The following CALML4 variants were observed in gnomAD, a reference collection of about 807,000 sequenced individuals.
CALML4 encodes the protein calmodulin-like protein 4.
Under a neutral mutation model 17.9 loss-of-function variants are expected in CALML4, and 16 were observed. The ratio of observed to expected loss-of-function variants is 0.89; its 90% CI spans 0.61 to 1.36. CALML4 has a LOEUF of 1.36. Ranked by LOEUF, CALML4 falls within the 40% of genes most tolerant of loss-of-function variation. The pLI is 0.00. For synonymous variants in CALML4, 86 were observed against 71.5 expected, an observed-to-expected ratio of 1.20 and a Z score of -1.02; for missense variants, 203 against 194.8, an observed-to-expected ratio of 1.04 and a Z score of -0.25.
rs898209847 is a variant in CALML4, at chr15:68,200,509, G to A, written c.35-828C>T. 7.2e-5 allele frequency among the ~76,000 whole-genome samples: 11 copies of A among 152,312 alleles called. No homozygotes were observed. The highest frequency in any genetic ancestry group is 4.6e-4 in the Admixed American group (7 of 15,302). ...TGACACAGCCATCCCACGGGCTCCC[G>A]GCCCTGGGAGGCCCAGGAAGGCCAG... is the stretch of plus-strand genomic sequence containing the variant. On this transcript the variant is annotated intron_variant, in intron 2 of 4. Coordinates refer to ENST00000467889, the MANE Select transcript of CALML4 (RefSeq NM_033429.3). The surrounding 1 kb of genome is among the most constrained non-coding windows in gnomAD (Gnocchi z 4.3).
Position 68,205,250 on chromosome 15 carries a change from T to C in CALML4, c.-3A>G, listed in dbSNP as rs1317118094. The C allele has an allele frequency of 2.5e-6, 4 of 1,614,004 alleles. No homozygotes were observed. Among genetic ancestry groups the C allele is most frequent in the Middle Eastern group, 1.6e-4 (1 of 6,084 alleles). ...ACACAGACCCTCACACTCACCATTC[T>C]GGGGCCTCGGCTGCTACCCGTGGGC... is the stretch of plus-strand genomic sequence containing the variant. On this transcript the variant is annotated 5_prime_UTR_variant, in exon 1 of 5. Transcript: ENST00000467889. The surrounding 1 kb of genome is among the most constrained non-coding windows in gnomAD (Gnocchi z 4.8).
At chr15:68,202,700 A>G (rs1022136946) in intron 2 of CALML4, among the ~76,000 whole-genome samples, 1 of 148,944 alleles carries the variant, frequency 6.7e-6, no homozygotes, top group African/African-American at 2.5e-5. Flanking sequence ...CTAGAGTGCA[A>G]TGGCACAATT....
intron 2 of CALML4, among the ~76,000 whole-genome samples, chr15:68,201,407 AGGG>A (rs2093165241): frequency 6.6e-6 from 1 of 152,196 alleles, no homozygotes; most frequent in African/African-American, 2.4e-5. Flanking sequence ...GGACAGAGAG[AGGG>A]CTGCCCCAAT....
At position 68,197,362 on chromosome 15, in the gene CALML4, C is replaced by T; in HGVS notation, c.364+78G>A. The T allele has an allele frequency of 1.4e-6, 2 of 1,429,452 alleles. No individual in the cohort carries two copies. Among genetic ancestry groups the T allele is most frequent in the African/African-American group, 1.4e-5 (1 of 70,428 alleles). 88.5% of individuals were successfully genotyped at this position (1,429,452 alleles called of 1,614,324 possible). On this transcript the variant is annotated intron_variant, in intron 4 of 4. Coordinates refer to ENST00000467889, the MANE Select transcript of CALML4 (RefSeq NM_033429.3). The surrounding 1 kb of genome is among the most constrained non-coding windows in gnomAD (Gnocchi z 4.1). Reference sequence around the variant, plus strand: ...GAGGTGGTCTGTACCACCCTGGTGGCATCAGCTAGGCTTTGGTGCCCTCCT... The same window carrying T: ...GAGGTGGTCTGTACCACCCTGGTGGTATCAGCTAGGCTTTGGTGCCCTCCT...
At chr15:68,201,151 C>T (rs1156285237) in intron 2 of CALML4, among the ~76,000 whole-genome samples, 2 of 152,204 alleles carry the variant, frequency 1.3e-5, no homozygotes, top group South Asian at 2.1e-4. Context: ...GAGACAAATT[C>T]GCGGCCTTTG....
intron 2 of CALML4, among the ~76,000 whole-genome samples, chr15:68,203,838 C>G (rs1002831503): frequency 6.6e-6 from 1 of 152,202 alleles, no homozygotes; most frequent in African/African-American, 2.4e-5. Flanking sequence ...CTTTCACACA[C>G]TCATTAAACA....
In CALML4 at chr15:68,205,234, C is replaced by T; in HGVS notation, c.3+11G>A. ...AGCCCTGGCCAGGCCGACACAGACCCTCACACTCACCATTCTGGGGCCTCG... is the reference window on the plus strand; with the variant it reads ...AGCCCTGGCCAGGCCGACACAGACCTTCACACTCACCATTCTGGGGCCTCG... On this transcript the variant is annotated intron_variant, in intron 1 of 4. Coordinates refer to ENST00000467889, the MANE Select transcript of CALML4 (RefSeq NM_033429.3). The surrounding 1 kb of genome is among the most constrained non-coding windows in gnomAD (Gnocchi z 4.8). The T allele has an allele frequency of 6.2e-7, 1 of 1,614,176 alleles. No homozygotes were observed. The highest frequency in any genetic ancestry group is 8.5e-7 in the Non-Finnish European group (1 of 1,180,038).
rs2141131841 is a variant in CALML4 at position 68,204,855 on chromosome 15, A to C, written c.34+266T>G. On this transcript the variant is annotated intron_variant, in intron 2 of 4. Coordinates refer to ENST00000467889, the MANE Select transcript of CALML4 (RefSeq NM_033429.3). This position sits in a 1 kb window ranked among gnomAD's most constrained non-coding sequence, Gnocchi z 6.0. ...CCTCAGTCCCCAAATCCAACTGGTC[A>C]GGTTCTGGAGGGAAACCTAGTAAGT... 6.6e-6 allele frequency among the ~76,000 whole-genome samples: 1 copy of C among 152,292 alleles called. No individual in the cohort carries two copies. Among genetic ancestry groups the C allele is most frequent in the Admixed American group, 6.5e-5 (1 of 15,302 alleles).
intron 2 of CALML4, among the ~76,000 whole-genome samples, chr15:68,202,137 C>A (rs2093167166): frequency 6.6e-6 from 1 of 152,168 alleles, no homozygotes; most frequent in Admixed American, 6.5e-5. Context: ...AAATGCAAAT[C>A]CCCCAGGACA....
intron 4 of CALML4, among the ~76,000 whole-genome samples, chr15:68,194,401 T>A (rs1463177966): frequency 8.6e-5 from 12 of 139,692 alleles, no homozygotes; most frequent in East Asian, 2.1e-4. Context: ...TTTTTTTTTT[T>A]TAAAACAGTT....
At chr15:68,199,495 C>T (rs533483332) in intron 3 of CALML4, 46 bp downstream of exon 3, 2 of 1,579,452 alleles carry the variant, frequency 1.3e-6, no homozygotes, top group Middle Eastern at 2.0e-4. Flanking sequence ...TCTGCACCCA[C>T]CTGCTGGGCC....
Position 68,192,060 on chromosome 15 carries a change from G to A in CALML4, c.*1955C>T, listed in dbSNP as rs1198588821. On this transcript the variant is annotated 3_prime_UTR_variant, in exon 5 of 5. Coordinates refer to ENST00000467889, the MANE Select transcript of CALML4 (RefSeq NM_033429.3). The stretch of plus-strand genomic sequence containing the variant: ...AATATAGACATAGAAAAGCTTTGAC[G>A]GAAAGTACCCTCATTTATTATATCC... 1 of 152,158 alleles carries A rather than the reference G, an allele frequency of 6.6e-6. No individual in the cohort carries two copies. The highest frequency in any genetic ancestry group is 6.5e-5 in the Admixed American group (1 of 15,270). The allele number at this position is 152,158 out of a possible 1,614,324, so 9.4% of individuals were successfully genotyped here.
At chr15:68,202,432 C>T (rs1232614608) in intron 2 of CALML4, among the ~76,000 whole-genome samples, 1 of 152,160 alleles carries the variant, frequency 6.6e-6, no homozygotes, top group Non-Finnish European at 1.5e-5. Context: ...ATAGTAAGAC[C>T]TCATGTCTAC....
intron 4 of CALML4, among the ~76,000 whole-genome samples, chr15:68,195,870 T>A (rs2093142268): frequency 6.6e-6 from 1 of 152,066 alleles, no homozygotes; most frequent in Non-Finnish European, 1.5e-5. Flanking sequence ...ACAGAGATCA[T>A]TAACCACAAA....
chr15:68,197,629 C>G lies in CALML4; in HGVS notation c.176-1G>C. 2 of 1,613,394 alleles carry G rather than the reference C, an allele frequency of 1.2e-6. No individual in the cohort carries two copies. The highest frequency in any genetic ancestry group is 1.7e-6 in the Non-Finnish European group (2 of 1,179,638). On this transcript the variant is annotated splice_acceptor_variant, in intron 3 of 4. Transcript: ENST00000467889. LOFTEE classifies it high-confidence loss of function. The surrounding 1 kb of genome is among the most constrained non-coding windows in gnomAD (Gnocchi z 4.1). ...GAGAAATCCAGCTCTCCATTTCCGT[C>G]TAGGAAACCCGCAAACACAGCAGAG...
Position 68,200,253 on chromosome 15 carries a change from T to A in CALML4, c.35-572A>T, listed in dbSNP as rs1050774351. ...AGAGAGTGGCCTTCATATGATGATA[T>A]TATCATCATCATCAGAGCTGGGGCA... is the stretch of plus-strand genomic sequence containing the variant. On this transcript the variant is annotated intron_variant, in intron 2 of 4. Coordinates refer to ENST00000467889, the MANE Select transcript of CALML4 (RefSeq NM_033429.3). This position sits in a 1 kb window ranked among gnomAD's most constrained non-coding sequence, Gnocchi z 4.3. Among the ~76,000 whole-genome samples the A allele has an allele frequency of 5.3e-5, 8 of 152,196 alleles. No individual in the cohort carries two copies. Among genetic ancestry groups the A allele is most frequent in the Non-Finnish European group, 5.9e-5 (4 of 68,030 alleles).
At chr15:68,195,232 C>T (rs1411783457) in intron 4 of CALML4, among the ~76,000 whole-genome samples, 1 of 152,124 alleles carries the variant, frequency 6.6e-6, no homozygotes, top group African/African-American at 2.4e-5. Flanking sequence ...TGTCAACTTC[C>T]CAGGCCTGGA....
chr15:68,205,694 G>A (rs2093181365), upstream of CALML4: 1 of 339,620 alleles, frequency 2.9e-6, no homozygotes, highest in East Asian at 6.5e-5. This position sits in a 1 kb window ranked among gnomAD's most constrained non-coding sequence, Gnocchi z 4.8. Context: ...TAGGAGGAAG[G>A]GAACCCTTCC....
At chr15:68,195,082 C>G (rs1461547908) in intron 4 of CALML4, among the ~76,000 whole-genome samples, 1 of 151,326 alleles carries the variant, frequency 6.6e-6, no homozygotes, top group Non-Finnish European at 1.5e-5. Context: ...TTGCTTGTTT[C>G]TTCTGGTTCT....
Sources: gnomAD v4.1 joint callset for allele counts (sites outside exome capture counted in the v4.1 genomes callset) on GRCh38, gnomAD v4.1.1 for gene constraint, Gnocchi (gnomAD v3.1) non-coding constraint, MANE v1.5 for transcripts, NCBI Gene and HGNC (gene_info 2026-07-23, HGNC 2026-07-21) for gene names.